The following VTI1A variants were observed in gnomAD, a reference collection of about 807,000 sequenced individuals.
The protein encoded by VTI1A is vesicle transport through interaction with t-SNAREs homolog 1A.
Under a neutral mutation model 34.9 loss-of-function variants are expected in VTI1A, and 22 were observed. The observed-to-expected ratio is 0.63, with a 90% CI of 0.45 to 0.90. The LOEUF is 0.90. VTI1A is among the 40% of genes least tolerant of loss of function. The pLI is 0.00. For synonymous variants in VTI1A, 87 were observed against 97.3 expected (o/e 0.89, Z 0.62); for missense variants, 268 against 275.6 (o/e 0.97, Z 0.20).
At chr10:112,555,156 A>T (rs1291333481) in intron 5 of VTI1A, among the ~76,000 whole-genome samples, 1 of 152,108 alleles carries the variant, frequency 6.6e-6, no homozygotes, top group Non-Finnish European at 1.5e-5. Flanking sequence ...TTAATTTTAC[A>T]ATTAAAAAAG....
At chr10:112,725,011 C>G (rs1236356828) in intron 7 of VTI1A, among the ~76,000 whole-genome samples, 3 of 152,068 alleles carry the variant, frequency 2.0e-5, no homozygotes, top group Non-Finnish European at 4.4e-5. Context: ...CAGTATGTAT[C>G]TCTAGAACAT....
intron 5 of VTI1A, among the ~76,000 whole-genome samples, chr10:112,629,117 G>T (rs1168069608): frequency 6.6e-6 from 1 of 152,186 alleles, no homozygotes; most frequent in Non-Finnish European, 1.5e-5. Context: ...CAAGTGAATG[G>T]CTTCTGGGGT....
At position 112,795,431 on chromosome 10, in the gene VTI1A, C is replaced by CTTTTTTTTTT. The variant is rs35159993; in HGVS notation, c.561-19849_561-19840dup. Among the ~76,000 whole-genome samples, 518 of 123,932 alleles carry CTTTTTTTTTT rather than the reference C, an allele frequency of 4.2e-3. 7 individuals carry two copies. The highest frequency in any genetic ancestry group is 7.3e-3 in the Non-Finnish European group (443 of 60,498). The allele number at this position is 123,932 out of a possible 152,430, so 81.3% of individuals were successfully genotyped here. A position where few individuals can be genotyped will look rare whatever the true frequency, so the allele number is the denominator to read the frequency against. ...TTTCTCCTACACATTCCCTATTACT[C>CTTTTTTTTTT]TTTTTTTTTTTTTTTTTTTCTGAGA... On this transcript the variant is annotated intron_variant, in intron 7 of 7. Coordinates refer to ENST00000393077, the MANE Select transcript of VTI1A (RefSeq NM_145206.4).
intron 5 of VTI1A, among the ~76,000 whole-genome samples, chr10:112,632,399 C>T (rs184290734): frequency 2.6e-5 from 4 of 152,248 alleles, no homozygotes; most frequent in Admixed American, 1.3e-4. Flanking sequence ...GAGTTCTTTA[C>T]CATTGAAGGA....
At chr10:112,732,311 G>C (rs1299067205) in intron 7 of VTI1A, among the ~76,000 whole-genome samples, 1 of 152,066 alleles carries the variant, frequency 6.6e-6, no homozygotes, top group Non-Finnish European at 1.5e-5. Flanking sequence ...AGAAATCTTT[G>C]GCTGTCTCTA....
the VTI1A span, chr10:112,826,445 C>T: frequency 6.6e-6 from 1 of 152,182 alleles, no homozygotes; most frequent in Non-Finnish European, 1.5e-5. Context: ...GCAGCCCCAT[C>T]AATACAGAAC....
At chr10:112,593,012 T>C (rs76018696) in intron 5 of VTI1A, among the ~76,000 whole-genome samples, 1 of 152,342 alleles carries the variant, frequency 6.6e-6, no homozygotes, top group Non-Finnish European at 1.5e-5. Context: ...AAGGAGAGAA[T>C]GCAGAGTAAT....
intron 3 of VTI1A, among the ~76,000 whole-genome samples, chr10:112,474,367 G>T (rs866113940): frequency 7.3e-5 from 11 of 151,174 alleles, no homozygotes; most frequent in African/African-American, 2.7e-4. Context: ...TGACCTTTAA[G>T]AGAGAAAGTA....
intron 5 of VTI1A, among the ~76,000 whole-genome samples, chr10:112,569,153 CAA>C (rs112290050): frequency 2.2e-5 from 3 of 133,910 alleles, no homozygotes. Context: ...GATTCCATCT[CAA>C]AAAAAAAAAA....
At chr10:112,746,648 A>T (rs887663916) in intron 7 of VTI1A, among the ~76,000 whole-genome samples, 3 of 152,222 alleles carry the variant, frequency 2.0e-5, no homozygotes, top group Non-Finnish European at 4.4e-5. Flanking sequence ...CTGACCTTAT[A>T]GACAAATGTT....
intron 5 of VTI1A, among the ~76,000 whole-genome samples, chr10:112,593,567 A>G (rs1243911019): frequency 2.0e-5 from 3 of 152,146 alleles, no homozygotes; most frequent in Admixed American, 6.5e-5. Context: ...TTCATATGGA[A>G]AGTTTAGGGA....
intron 7 of VTI1A, among the ~76,000 whole-genome samples, chr10:112,688,531 T>TTC (rs1202614945): frequency 6.7e-6 from 1 of 149,966 alleles, no homozygotes; most frequent in East Asian, 2.0e-4. Context: ...CTTTTTTTTT[T>TTC]TTTTTTTGAG....
intron 5 of VTI1A, among the ~76,000 whole-genome samples, chr10:112,591,691 A>G (rs938654867): frequency 2.0e-5 from 3 of 152,192 alleles, no homozygotes; most frequent in Non-Finnish European, 2.9e-5. Context: ...CTCCTTCGCT[A>G]TATTCCCAAC....
the VTI1A span, chr10:112,824,007 A>C: frequency 6.6e-6 from 1 of 152,262 alleles, no homozygotes. Context: ...CCAGGAGTAG[A>C]TTCCATGCCT....
intron 7 of VTI1A, among the ~76,000 whole-genome samples, chr10:112,756,065 AAGAG>A (rs564352701): frequency 6.6e-6 from 1 of 152,124 alleles, no homozygotes; most frequent in Non-Finnish European, 1.5e-5. Flanking sequence ...CAGCGAGAAA[AAGAG>A]AGAGGGAGGG....
At position 112,527,207 on chromosome 10, in the gene VTI1A, GA is replaced by G. The variant is rs1285573614; in HGVS notation, c.342+45del. The G allele has an allele frequency of 2.5e-6, 4 of 1,586,888 alleles. No homozygotes were observed. In the African/African-American group the frequency reaches 5.4e-5, roughly 21 times the overall value. On this transcript the variant is annotated intron_variant, in intron 4 of 7. Transcript: ENST00000393077. ...AAGGCCCGGTGGGTGGCTGGAGGGT[GA>G]AGGAGGTCACTGGCGCACTGGGCTC... is the stretch of plus-strand genomic sequence containing the variant.
At chr10:112,563,411 A>AT (rs1486283763) in intron 5 of VTI1A, among the ~76,000 whole-genome samples, 1 of 152,176 alleles carries the variant, frequency 6.6e-6, no homozygotes, top group Non-Finnish European at 1.5e-5. Context: ...TTTTAGAGTC[A>AT]TTCATTCATC....
chr10:112,584,852 G>A (rs1405521565), intron 5 of VTI1A, among the ~76,000 whole-genome samples: 1 of 152,200 alleles, frequency 6.6e-6, no homozygotes, highest in Non-Finnish European at 1.5e-5. Flanking sequence ...TCTCTATGGA[G>A]AGAGATAGTG....
At chr10:112,504,215 C>T (rs531018904) in intron 3 of VTI1A, among the ~76,000 whole-genome samples, 2 of 152,154 alleles carry the variant, frequency 1.3e-5, no homozygotes, top group South Asian at 4.1e-4. Context: ...ATAAGGAAAA[C>T]TCTCCCTTCC....
Sources: gnomAD v4.1 joint callset for allele counts (sites outside exome capture counted in the v4.1 genomes callset) on GRCh38, gnomAD v4.1.1 for gene constraint, MANE v1.5 for transcripts, NCBI Gene and HGNC (gene_info 2026-07-23, HGNC 2026-07-21) for gene names.